RFX2: variants seen among roughly 807,000 people sequenced by gnomAD.
RFX2 encodes the protein regulatory factor X2, also known as DNA-binding protein RFX2.
Under a neutral mutation model 87.8 loss-of-function variants are expected in RFX2, and 20 were observed. The observed-to-expected ratio is 0.23, with a 90% confidence interval of 0.16 to 0.33. The LOEUF (loss-of-function observed/expected upper bound fraction) is 0.33, where lower values mean the gene tolerates loss of function less well. Among genes scored for constraint, RFX2 ranks in the 10% least tolerant of loss-of-function variants. The probability of loss-of-function intolerance (pLI) is 1.00; values close to 1 mark genes in which losing one functional copy is unlikely to be tolerated. For synonymous variants in RFX2, 397 were observed against 431.3 expected (o/e 0.92, Z 0.98); for missense variants, 767 against 1,012.3 (o/e 0.76, Z 3.29).
intron 9 of RFX2, 91 bp from the exon 10 acceptor site, chr19:6,008,315 C>G: frequency 1.5e-6 from 1 of 672,452 alleles, no homozygotes; most frequent in Non-Finnish European, 2.5e-6. Context: ...GGCCCAGAAA[C>G]AGATGTTCTG....
rs2088130196 is a variant in RFX2 at position 6,101,718 on chromosome 19, T to A, written c.-9+8675A>T. Among the ~76,000 whole-genome samples, 1 of 152,180 alleles carries A rather than the reference T, an allele frequency of 6.6e-6. No individual in the cohort carries two copies. Among genetic ancestry groups the A allele is most frequent in the Admixed American group, 6.5e-5 (1 of 15,284 alleles). On this transcript the variant is annotated intron_variant, in intron 1 of 17. Transcript: ENST00000303657. This position sits in a 1 kb window ranked among gnomAD's most constrained non-coding sequence, Gnocchi z 4.9. ...CTTTTTCACATGGGACTTGGGCAAG[T>A]CTAATCTTTCTGGTTGCCATTGGAT...
rs934848674 is a variant in RFX2, at chr19:5,999,422, C to G, written c.1860-2209G>C. Among the ~76,000 whole-genome samples, 6 of 152,058 alleles carry G rather than the reference C, an allele frequency of 3.9e-5. No homozygotes were observed. Among genetic ancestry groups the G allele is most frequent in the Admixed American group, 6.6e-5 (1 of 15,266 alleles). On this transcript the variant is annotated intron_variant, in intron 15 of 17. Coordinates refer to ENST00000303657, the MANE Select transcript of RFX2 (RefSeq NM_000635.4). The surrounding 1 kb of genome is among the most constrained non-coding windows in gnomAD (Gnocchi z 4.1). ...GCTCACTCTGCTCTTCTCAATTCTT[C>G]CGCTTGCAACCTTCCCTCTGTCCAT... is the stretch of plus-strand genomic sequence containing the variant.
intron 1 of RFX2, among the ~76,000 whole-genome samples, chr19:6,092,677 A>G (rs2087955484): frequency 6.7e-6 from 1 of 148,742 alleles, no homozygotes; most frequent in African/African-American, 2.5e-5. Context: ...CGTGGACTGT[A>G]GGATAGGCAG....
At chr19:6,009,738 T>C (rs1427667923) in intron 9 of RFX2, among the ~76,000 whole-genome samples, 2 of 152,172 alleles carry the variant, frequency 1.3e-5, no homozygotes, top group African/African-American at 4.8e-5. Context: ...CTTGCTACTA[T>C]GCCTGGCTAA....
At chr19:6,099,449 GTTAA>G (rs1599933227) in intron 1 of RFX2, among the ~76,000 whole-genome samples, 2 of 152,096 alleles carry the variant, frequency 1.3e-5, no homozygotes, top group South Asian at 2.1e-4. Context: ...GAGCTGGAAT[GTTAA>G]TTGAGATCAA....
Position 6,023,915 on chromosome 19 carries a change from G to A in RFX2, c.597+2248C>T, listed in dbSNP as rs1185957615. ...CTGTCTCAGCCTCCAGAGTAGCTGG[G>A]ACTACAGGCATGTGCCACCACGCCC... is the stretch of plus-strand genomic sequence containing the variant. On this transcript the variant is annotated intron_variant, in intron 6 of 17. Coordinates refer to ENST00000303657, the MANE Select transcript of RFX2 (RefSeq NM_000635.4). This position sits in a 1 kb window ranked among gnomAD's most constrained non-coding sequence, Gnocchi z 4.9. Among the ~76,000 whole-genome samples the A allele has an allele frequency of 6.6e-6, 1 of 152,080 alleles. No individual in the cohort carries two copies. The highest frequency in any genetic ancestry group is 1.9e-4 in the East Asian group (1 of 5,180).
Position 6,004,800 on chromosome 19 carries a change from TA to T in RFX2, c.1403-503del, listed in dbSNP as rs59064688. ...AATAAGAAGCAAATGATCAGACTGT[TA>T]AAAAAAAAAAAAACCAAAAAACAAA... On this transcript the variant is annotated intron_variant, in intron 12 of 17. Coordinates refer to ENST00000303657, the MANE Select transcript of RFX2 (RefSeq NM_000635.4). The surrounding 1 kb of genome is among the most constrained non-coding windows in gnomAD (Gnocchi z 4.8). 0.28 allele frequency among the ~76,000 whole-genome samples: 40,417 copies of T among 142,254 alleles called. 7,750 individuals are homozygous for T. The highest frequency in any genetic ancestry group is 0.56 in the African/African-American group (22,234 of 39,664). 93.3% of individuals were successfully genotyped at this position (142,254 alleles called of 152,430 possible). A position where few individuals can be genotyped will look rare whatever the true frequency, so the allele number is the denominator to read the frequency against.
At chr19:6,035,851 GTGT>G (rs891727576) in intron 5 of RFX2, among the ~76,000 whole-genome samples, 31 of 84,024 alleles carry the variant, frequency 3.7e-4, no homozygotes, top group Admixed American at 2.1e-3. Flanking sequence ...TTGGTGGGGG[GTGT>G]GTGTGTGTGT....
rs2087205564 is a variant in RFX2, at chr19:6,047,364, C to A, written c.90+43G>T. 6.6e-7 allele frequency: 1 copy of A among 1,511,282 alleles called. No individual in the cohort carries two copies. Among genetic ancestry groups the A allele is most frequent in the Non-Finnish European group, 9.1e-7 (1 of 1,104,294 alleles). The allele number at this position is 1,511,282 out of a possible 1,614,324, so 93.6% of individuals were successfully genotyped here. A position where few individuals can be genotyped will look rare whatever the true frequency, so the allele number is the denominator to read the frequency against. On this transcript the variant is annotated intron_variant, in intron 2 of 17. Transcript: ENST00000303657. The surrounding 1 kb of genome is among the most constrained non-coding windows in gnomAD (Gnocchi z 4.2). The stretch of plus-strand genomic sequence containing the variant: ...GCTTTCAAACCCATAGAGATCGCGT[C>A]CACACTGTGGCCACCCTGTTGTTGC...
At chr19:6,003,282 C>T (rs1175847084) in intron 13 of RFX2, among the ~76,000 whole-genome samples, 2 of 152,050 alleles carry the variant, frequency 1.3e-5, no homozygotes, top group African/African-American at 4.8e-5. Flanking sequence ...CCAGGCTGGT[C>T]TCAAACTCGT....
In RFX2 at chr19:6,001,826, C is replaced by T. The variant is rs781754118; in HGVS notation, c.1848G>A (p.Trp616Ter). ...CTGGTGGGACTAACCTGTAAAAGGA[C>T]CATTTCAGCAAGAACTGCCGGGCGG... ...PKAARQFLLKWSFYSSMVIRD... is the reference protein window; with the variant it reads ...PKAARQFLLK Residue 616 changes from tryptophan to a stop codon, truncating the protein, a stop_gained, in exon 15 of 18, where the codon TGG becomes TGA. Coordinates refer to ENST00000303657, the MANE Select transcript of RFX2 (RefSeq NM_000635.4). LOFTEE classifies it high-confidence loss of function. This position sits in a 1 kb window ranked among gnomAD's most constrained non-coding sequence, Gnocchi z 5.6. 1.2e-6 allele frequency: 2 copies of T among 1,609,564 alleles called. No individual in the cohort carries two copies. Among genetic ancestry groups the T allele is most frequent in the Non-Finnish European group, 8.5e-7 (1 of 1,177,664 alleles).
chr19:6,058,802 C>T (rs975008058), intron 1 of RFX2, among the ~76,000 whole-genome samples: 3 of 152,146 alleles, frequency 2.0e-5, no homozygotes, highest in African/African-American at 4.8e-5. Flanking sequence ...GACAACTGGC[C>T]TGAGAAAGGG....
chr19:6,019,870 G>A (rs1485981970), intron 6 of RFX2: 1 of 152,298 alleles, frequency 6.6e-6, no homozygotes, highest in Non-Finnish European at 1.5e-5. Context: ...ACGGAGCCAG[G>A]TTTGCCCATG....
At position 6,110,022 on chromosome 19, in the gene RFX2, C is replaced by A. The variant is rs1025201410; in HGVS notation, c.-9+371G>T. 6.6e-6 allele frequency among the ~76,000 whole-genome samples: 1 copy of A among 151,516 alleles called. No homozygotes were observed. Among genetic ancestry groups the A allele is most frequent in the Non-Finnish European group, 1.5e-5 (1 of 67,840 alleles). On this transcript the variant is annotated intron_variant, in intron 1 of 17. Coordinates refer to ENST00000303657, the MANE Select transcript of RFX2 (RefSeq NM_000635.4). The surrounding 1 kb of genome is among the most constrained non-coding windows in gnomAD (Gnocchi z 4.3). Reference sequence around the variant, plus strand: ...AAGGTGAGAAGAGGGTCCCCAAGCGCCCCCAATTCAGGGAGTTTGAGGAGT... The same window carrying A: ...AAGGTGAGAAGAGGGTCCCCAAGCGACCCCAATTCAGGGAGTTTGAGGAGT...
At position 6,064,577 on chromosome 19, in the gene RFX2, C is replaced by A. The variant is rs1458335311; in HGVS notation, c.-8-17073G>T. Reference sequence around the variant, plus strand: ...CAGTAGCATCTCCTGCTTTCTCAGCCTGGTGACCTGACCCGGCAGCACGCC... The same window carrying A: ...CAGTAGCATCTCCTGCTTTCTCAGCATGGTGACCTGACCCGGCAGCACGCC... On this transcript the variant is annotated intron_variant, in intron 1 of 17. Transcript: ENST00000303657. This position sits in a 1 kb window ranked among gnomAD's most constrained non-coding sequence, Gnocchi z 4.8. Among the ~76,000 whole-genome samples, 1 of 152,222 alleles carries A rather than the reference C, an allele frequency of 6.6e-6. No individual in the cohort carries two copies. The highest frequency in any genetic ancestry group is 1.9e-4 in the East Asian group (1 of 5,200).
chr19:6,061,652 ATT>A lies in RFX2; in HGVS notation c.-8-14150_-8-14149del, dbSNP rs2087433474. Among the ~76,000 whole-genome samples the A allele has an allele frequency of 6.6e-6, 1 of 152,308 alleles. No individual in the cohort carries two copies. Among genetic ancestry groups the A allele is most frequent in the Admixed American group, 6.5e-5 (1 of 15,306 alleles). Reference sequence around the variant, plus strand: ...GGAAAAAGACTTTGCAACCTCCATTATTTATATAAATAAGAACAAATGCCAAG... The same window carrying A: ...GGAAAAAGACTTTGCAACCTCCATTATATATAAATAAGAACAAATGCCAAG... On this transcript the variant is annotated intron_variant, in intron 1 of 17. Coordinates refer to ENST00000303657, the MANE Select transcript of RFX2 (RefSeq NM_000635.4). The surrounding 1 kb of genome is among the most constrained non-coding windows in gnomAD (Gnocchi z 5.2).
chr19:6,080,626 A>G (rs1272874190), intron 1 of RFX2, among the ~76,000 whole-genome samples: 1 of 152,146 alleles, frequency 6.6e-6, no homozygotes, highest in Non-Finnish European at 1.5e-5. Context: ...GACAGCTGCA[A>G]AGAAGGGGCC....
chr19:6,060,090 T>C (rs1389514285), intron 1 of RFX2, among the ~76,000 whole-genome samples: 1 of 151,932 alleles, frequency 6.6e-6, no homozygotes, highest in Non-Finnish European at 1.5e-5. Flanking sequence ...GTCCCCCTTT[T>C]CTGACACCGC....
At position 6,002,762 on chromosome 19, in the gene RFX2, T is replaced by G; in HGVS notation, c.1609A>C (p.Met537Leu). 3 of 1,613,936 alleles carry G rather than the reference T, an allele frequency of 1.9e-6. No individual in the cohort carries two copies. Among genetic ancestry groups the G allele is most frequent in the Non-Finnish European group, 2.5e-6 (3 of 1,179,950 alleles). Reference protein sequence around the residue: ...VLQNTSQINQMLSDLNRVDFA... With the variant: ...VLQNTSQINQLLSDLNRVDFA... ...TCCACGCGGTTGAGGTCGCTGAGCA[T>G]CTGGTTGATCTGGGACGTGTTCTGC... Residue 537 changes from methionine to leucine, a missense_variant, in exon 14 of 18, where the codon ATG becomes CTG. Coordinates refer to ENST00000303657, the MANE Select transcript of RFX2 (RefSeq NM_000635.4). The surrounding 1 kb of genome is among the most constrained non-coding windows in gnomAD (Gnocchi z 6.7).
Sources: allele counts gnomAD v4.1 joint callset (sites outside exome capture counted in the v4.1 genomes callset), GRCh38; gene constraint gnomAD v4.1.1; non-coding constraint Gnocchi (gnomAD v3.1); transcripts MANE v1.5; gene names NCBI Gene and HGNC (gene_info 2026-07-23, HGNC 2026-07-21).